Variants in GALNT18 observed in about 807,000 individuals in gnomAD.
The protein encoded by GALNT18 is polypeptide N-acetylgalactosaminyltransferase 18, also known as GalNAc-transferase 18.
GALNT18 carries 44 observed loss-of-function variants against 69.5 expected under a neutral mutation model. That is an observed-to-expected ratio of 0.63 (90% CI 0.50 to 0.81). The LOEUF (loss-of-function observed/expected upper bound fraction) is 0.81. Ranked by LOEUF, GALNT18 falls within the 40% of genes least tolerant of loss-of-function variation. GALNT18 has a pLI of 0.00. For missense variants in GALNT18, 715 were observed against 810.0 expected, an observed-to-expected ratio of 0.88 and a Z score of 1.42; for synonymous variants, 364 against 318.2, an observed-to-expected ratio of 1.14 and a Z score of -1.53.
Position 11,306,090 on chromosome 11 carries a change from C to T in GALNT18, c.1513-12897G>A, listed in dbSNP as rs971902271. On this transcript the variant is annotated intron_variant, in intron 9 of 10. Transcript: ENST00000227756. ...GGACATAGTCTATGCCATGTCTAGACCTTACCTGGTCCTCCTGAGAAATGA... is the reference window on the plus strand; with the variant it reads ...GGACATAGTCTATGCCATGTCTAGATCTTACCTGGTCCTCCTGAGAAATGA... Among the ~76,000 whole-genome samples the T allele has an allele frequency of 2.0e-5, 3 of 152,198 alleles. No homozygotes were observed. The East Asian group carries it at 5.8e-4, about 29-fold the overall frequency.
intron 3 of GALNT18, among the ~76,000 whole-genome samples, chr11:11,381,337 T>C (rs1370907425): frequency 6.6e-6 from 1 of 152,194 alleles, no homozygotes; most frequent in Non-Finnish European, 1.5e-5. Flanking sequence ...AAGTGAGAAC[T>C]GGGCTAGTAC....
At chr11:11,484,079 A>C (rs1452753948) in intron 1 of GALNT18, among the ~76,000 whole-genome samples, 1 of 152,168 alleles carries the variant, frequency 6.6e-6, no homozygotes, top group Non-Finnish European at 1.5e-5. Flanking sequence ...TCAAGAGCTC[A>C]GTGAGATTAC....
rs146028596 is a variant in GALNT18 at position 11,498,741 on chromosome 11, A to G, written c.236-49805T>C. ...TTGAACCCGGGAGGCAGAGGTTGCAATGAGCCAAGATCATGCCACTGCACT... is the reference window on the plus strand; with the variant it reads ...TTGAACCCGGGAGGCAGAGGTTGCAGTGAGCCAAGATCATGCCACTGCACT... On this transcript the variant is annotated intron_variant, in intron 1 of 10. Transcript: ENST00000227756. Among the ~76,000 whole-genome samples, 51 of 152,156 alleles carry G rather than the reference A, an allele frequency of 3.4e-4. No homozygotes were observed. The East Asian group carries it at 3.9e-3, about 12-fold the overall frequency.
chr11:11,353,356 T>C, intron 6 of GALNT18: 2 of 597,652 alleles, frequency 3.3e-6, no homozygotes, highest in Non-Finnish European at 5.9e-6. Flanking sequence ...AATCTGAGAG[T>C]CATTTTTATC....
chr11:11,419,934 C>T (rs530519595), intron 3 of GALNT18, among the ~76,000 whole-genome samples: 2 of 152,232 alleles, frequency 1.3e-5, no homozygotes, highest in East Asian at 3.9e-4. Context: ...CATCTGGTTC[C>T]CTGCTGCCTC....
intron 1 of GALNT18, among the ~76,000 whole-genome samples, chr11:11,567,162 T>C (rs917426740): frequency 3.9e-5 from 6 of 152,196 alleles, no homozygotes; most frequent in African/African-American, 1.4e-4. Flanking sequence ...GGCATTTGTC[T>C]GATCAAAGGC....
chr11:11,446,062 C>T (rs1590010238), intron 2 of GALNT18, among the ~76,000 whole-genome samples: 1 of 152,288 alleles, frequency 6.6e-6, no homozygotes, highest in South Asian at 2.1e-4. Flanking sequence ...CAATGGTGGG[C>T]CGATGTCAAA....
chr11:11,333,169 C>T (rs1264559484), intron 7 of GALNT18, among the ~76,000 whole-genome samples: 2 of 151,352 alleles, frequency 1.3e-5, no homozygotes, highest in African/African-American at 4.9e-5. Context: ...TTCCCTACCT[C>T]AAGAGGCAAG....
At chr11:11,462,143 T>C (rs959829000) in intron 1 of GALNT18, among the ~76,000 whole-genome samples, 4 of 152,200 alleles carry the variant, frequency 2.6e-5, no homozygotes, top group South Asian at 2.1e-4. Context: ...ATCGTGCATT[T>C]CTAGCAAGTT....
intron 3 of GALNT18, among the ~76,000 whole-genome samples, chr11:11,431,303 T>C (rs905657196): frequency 3.9e-5 from 6 of 152,118 alleles, no homozygotes; most frequent in African/African-American, 1.4e-4. Context: ...GGATAGAGTG[T>C]GTGGGGCAGG....
chr11:11,328,302 C>T (rs1173812201), intron 8 of GALNT18, among the ~76,000 whole-genome samples: 6 of 152,170 alleles, frequency 3.9e-5, no homozygotes, highest in African/African-American at 1.4e-4. Context: ...CTTGAGCTGG[C>T]TTGACTAGGT....
intron 1 of GALNT18, among the ~76,000 whole-genome samples, chr11:11,482,480 GA>G (rs1461647800): frequency 1.3e-5 from 2 of 152,224 alleles, no homozygotes; most frequent in Non-Finnish European, 2.9e-5. Context: ...CAGAGAGAAT[GA>G]GGGGTGGCAT....
At chr11:11,495,172 G>A (rs374307592) in intron 1 of GALNT18, among the ~76,000 whole-genome samples, 4 of 152,164 alleles carry the variant, frequency 2.6e-5, no homozygotes, top group East Asian at 3.8e-4. Flanking sequence ...GCCTGGACTC[G>A]GGGTTTCGAA....
At position 11,620,429 on chromosome 11, in the gene GALNT18, A is replaced by G. The variant is rs561566383; in HGVS notation, c.235+930T>C. Among the ~76,000 whole-genome samples the G allele has an allele frequency of 6.6e-6, 1 of 151,872 alleles. No individual in the cohort carries two copies. Among genetic ancestry groups the G allele is most frequent in the East Asian group, 2.0e-4 (1 of 5,102 alleles). On this transcript the variant is annotated intron_variant, in intron 1 of 10. Transcript: ENST00000227756. This position sits in a 1 kb window ranked among gnomAD's most constrained non-coding sequence, Gnocchi z 6.9. ...CTCATTGACCAGGTCGCCTCGGGAGAGCGCCCTGCAACCCCCACCCTCCCT... is the reference window on the plus strand; with the variant it reads ...CTCATTGACCAGGTCGCCTCGGGAGGGCGCCCTGCAACCCCCACCCTCCCT...
At chr11:11,441,199 C>T (rs1218060011) in intron 2 of GALNT18, among the ~76,000 whole-genome samples, 5 of 152,172 alleles carry the variant, frequency 3.3e-5, no homozygotes, top group Non-Finnish European at 5.9e-5. Flanking sequence ...TCAAGAATAA[C>T]ATTATACTCT....
chr11:11,438,323 C>T (rs1855456348), intron 2 of GALNT18, among the ~76,000 whole-genome samples: 1 of 152,144 alleles, frequency 6.6e-6, no homozygotes, highest in Non-Finnish European at 1.5e-5. Flanking sequence ...CAAGACTGTC[C>T]CTCCTTCTGG....
chr11:11,536,912 A>G (rs1242924905), intron 1 of GALNT18, among the ~76,000 whole-genome samples: 2 of 152,266 alleles, frequency 1.3e-5, no homozygotes, highest in Admixed American at 6.5e-5. Flanking sequence ...GCCAGGCAGC[A>G]CCACTACCTA....
Position 11,383,715 on chromosome 11 carries a change from C to T in GALNT18, c.596-4451G>A, listed in dbSNP as rs372212301. Among the ~76,000 whole-genome samples the T allele has an allele frequency of 6.6e-6, 1 of 152,138 alleles. No individual in the cohort carries two copies. The highest frequency in any genetic ancestry group is 1.9e-4 in the East Asian group (1 of 5,198). On this transcript the variant is annotated intron_variant, in intron 3 of 10. Transcript: ENST00000227756. This position sits in a 1 kb window ranked among gnomAD's most constrained non-coding sequence, Gnocchi z 5.2. ...AAATCTCATCTTGAATTGTAATCCC[C>T]ATGTGTTAAGGTGATTGCATCATGG...
chr11:11,573,358 T>C lies in GALNT18; in HGVS notation c.235+48001A>G, dbSNP rs1858838534. ...TGAAATAAAAGGGATTTCTGCCTGCTCCTTCTCTTACACTAAGGTACATGT... is the reference window on the plus strand; with the variant it reads ...TGAAATAAAAGGGATTTCTGCCTGCCCCTTCTCTTACACTAAGGTACATGT... On this transcript the variant is annotated intron_variant, in intron 1 of 10. Coordinates refer to ENST00000227756, the MANE Select transcript of GALNT18 (RefSeq NM_198516.3). This position sits in a 1 kb window ranked among gnomAD's most constrained non-coding sequence, Gnocchi z 4.6. 1.3e-5 allele frequency among the ~76,000 whole-genome samples: 2 copies of C among 152,214 alleles called. No individual in the cohort carries two copies. Among genetic ancestry groups the C allele is most frequent in the African/African-American group, 4.8e-5 (2 of 41,454 alleles).
Sources: gnomAD v4.1 joint callset for allele counts (sites outside exome capture counted in the v4.1 genomes callset) on GRCh38, gnomAD v4.1.1 for gene constraint, Gnocchi (gnomAD v3.1) non-coding constraint, MANE v1.5 for transcripts, NCBI Gene and HGNC (gene_info 2026-07-23, HGNC 2026-07-21) for gene names.